The following DPYD variants were observed in gnomAD, a reference collection of about 807,000 sequenced individuals.
The protein encoded by DPYD is dihydropyrimidine dehydrogenase [NADP(+)].
In DPYD, 109 loss-of-function variants were observed where a neutral mutation model predicts 116.2. The ratio of observed to expected loss-of-function variants is 0.94; its 90% CI spans 0.80 to 1.10. DPYD has a LOEUF of 1.10. Ranked by LOEUF, DPYD falls within the 50% of genes least tolerant of loss-of-function variation. The pLI is 0.00. For synonymous variants in DPYD, 440 were observed against 432.0 expected, an observed-to-expected ratio of 1.02 and a Z score of -0.23; for missense variants, 1,302 against 1,254.5, an observed-to-expected ratio of 1.04 and a Z score of -0.57.
chr1:97,829,257 C>T (rs1227768688), intron 2 of DPYD, among the ~76,000 whole-genome samples: 1 of 151,572 alleles, frequency 6.6e-6, no homozygotes, highest in Non-Finnish European at 1.5e-5. Context: ...TAATAATGTC[C>T]AATGTATAAG....
At chr1:97,469,565 T>C (rs1239209151) in intron 13 of DPYD, among the ~76,000 whole-genome samples, 1 of 152,102 alleles carries the variant, frequency 6.6e-6, no homozygotes, top group African/African-American at 2.4e-5. Flanking sequence ...TGTTTCATAT[T>C]AGCTATACAG....
chr1:97,885,669 C>T (rs1266608798), intron 1 of DPYD, among the ~76,000 whole-genome samples: 3 of 152,020 alleles, frequency 2.0e-5, no homozygotes, highest in Non-Finnish European at 4.4e-5. Context: ...ACTACTCTCT[C>T]AATACTTAGG....
At chr1:97,643,376 C>T (rs1658050518) in intron 8 of DPYD, among the ~76,000 whole-genome samples, 1 of 152,116 alleles carries the variant, frequency 6.6e-6, no homozygotes, top group Admixed American at 6.6e-5. Flanking sequence ...AAATCAAAAT[C>T]ACAATGAGAT....
intron 11 of DPYD, among the ~76,000 whole-genome samples, chr1:97,569,235 G>T (rs1652732468): frequency 6.6e-6 from 1 of 151,728 alleles, no homozygotes; most frequent in Admixed American, 6.6e-5. Context: ...CTGCCAGTTT[G>T]GTTCCAACAA....
intron 6 of DPYD, among the ~76,000 whole-genome samples, chr1:97,695,560 A>G (rs1002411552): frequency 3.3e-5 from 5 of 151,594 alleles, no homozygotes; most frequent in Non-Finnish European, 4.4e-5. Flanking sequence ...AAATAGAGCC[A>G]GAAATAATGA....
intron 18 of DPYD, chr1:97,295,895 C>T (rs1666497743): frequency 1.8e-5 from 5 of 271,696 alleles, no homozygotes; most frequent in South Asian, 2.8e-4. Flanking sequence ...TTACACTTTA[C>T]ACAGAAATCT....
chr1:97,560,171 A>G (rs996812576), intron 11 of DPYD, among the ~76,000 whole-genome samples: 14 of 152,174 alleles, frequency 9.2e-5, no homozygotes, highest in Non-Finnish European at 2.1e-4. Flanking sequence ...AAGAGTGCAA[A>G]AACAGGTGAC....
chr1:97,834,100 A>C (rs1242328756), intron 2 of DPYD, among the ~76,000 whole-genome samples: 2 of 152,066 alleles, frequency 1.3e-5, no homozygotes, highest in African/African-American at 4.8e-5. Context: ...TTAGAAACGG[A>C]AGTTACAAAT....
At chr1:97,469,402 A>AAAAAAAAAAAAAAAAAAAAAAAAAAT (rs1677509899) in intron 13 of DPYD, among the ~76,000 whole-genome samples, 1 of 6,656 alleles carries the variant, frequency 1.5e-4, no homozygotes, top group Non-Finnish European at 8.6e-4. Flanking sequence ...AATTGCAAAA[A>AAAAAAAAAAAAAAAAAAAAAAAAAAT]AAAAAAAAAA....
intron 3 of DPYD, among the ~76,000 whole-genome samples, chr1:97,775,345 T>C (rs960725731): frequency 2.6e-5 from 4 of 152,204 alleles, no homozygotes; most frequent in African/African-American, 7.2e-5. Context: ...TTCTGATATA[T>C]GGAAGTGAAT....
chr1:97,501,438 A>G (rs1425595156), intron 13 of DPYD, among the ~76,000 whole-genome samples: 1 of 152,056 alleles, frequency 6.6e-6, no homozygotes, highest in African/African-American at 2.4e-5. Context: ...GCAGTGACGC[A>G]CACCTATAAT....
Position 97,082,135 on chromosome 1 carries a change from T to C in DPYD, c.2907+195A>G, listed in dbSNP as rs115462926. 5.9e-3 allele frequency among the ~76,000 whole-genome samples: 894 copies of C among 152,250 alleles called. 4 individuals are homozygous for C. Among genetic ancestry groups the C allele is most frequent in the Middle Eastern group, 0.01 (3 of 294 alleles). ...TCTGTGCATTAAATGCTGGCATAGT[T>C]AGTAAAAGTTACAAGTTTCCTTTTA... On this transcript the variant is annotated intron_variant, in intron 22 of 22. Coordinates refer to ENST00000370192, the MANE Select transcript of DPYD (RefSeq NM_000110.4).
intron 6 of DPYD, among the ~76,000 whole-genome samples, chr1:97,697,420 A>C (rs910422329): frequency 6.6e-6 from 1 of 152,128 alleles, no homozygotes; most frequent in Non-Finnish European, 1.5e-5. Flanking sequence ...AAGATACAAG[A>C]GAATGAGAGG....
At chr1:97,082,769 A>T (rs1649250478) in intron 21 of DPYD, among the ~76,000 whole-genome samples, 1 of 152,122 alleles carries the variant, frequency 6.6e-6, no homozygotes, top group African/African-American at 2.4e-5. Context: ...AGAATAAATG[A>T]CACCCGTGTG....
chr1:97,325,339 C>A (rs1386878504), intron 16 of DPYD, among the ~76,000 whole-genome samples: 1 of 152,022 alleles, frequency 6.6e-6, no homozygotes, highest in East Asian at 1.9e-4. Flanking sequence ...TCATACCTTT[C>A]AAATTGCTAC....
At chr1:97,781,530 T>C (rs1666750651) in intron 3 of DPYD, among the ~76,000 whole-genome samples, 1 of 152,008 alleles carries the variant, frequency 6.6e-6, no homozygotes, top group African/African-American at 2.4e-5. Context: ...ACAACTAGAG[T>C]CTTGTTTAGG....
At chr1:97,828,296 C>T in intron 2 of DPYD, 100 bp from the exon 3 acceptor site, 1 of 1,104,914 alleles carries the variant, frequency 9.1e-7, no homozygotes, top group Non-Finnish European at 1.3e-6. Context: ...TGATCATGGA[C>T]TCATGAAAAA....
chr1:97,129,597 G>A (rs1014611278), intron 20 of DPYD, among the ~76,000 whole-genome samples: 2 of 151,778 alleles, frequency 1.3e-5, no homozygotes, highest in African/African-American at 4.8e-5. Flanking sequence ...CTTCATTTCC[G>A]TGGCTCTTCC....
intron 19 of DPYD, among the ~76,000 whole-genome samples, chr1:97,195,254 C>T (rs1658667076): frequency 6.6e-6 from 1 of 151,770 alleles, no homozygotes; most frequent in African/African-American, 2.4e-5. Flanking sequence ...TGTTGAATAC[C>T]TAGTATATCA....
Sources: gnomAD v4.1 joint callset for allele counts (sites outside exome capture counted in the v4.1 genomes callset) on GRCh38, gnomAD v4.1.1 for gene constraint, MANE v1.5 for transcripts, NCBI Gene and HGNC (gene_info 2026-07-23, HGNC 2026-07-21) for gene names.